The following ARPC2 variants were observed in gnomAD, a reference collection of about 807,000 sequenced individuals.
The protein encoded by ARPC2 is actin related protein 2/3 complex subunit 2, also known as actin-related protein 2/3 complex subunit 2.
ARPC2 carries 4 observed loss-of-function variants against 38.6 expected under a neutral mutation model. The ratio of observed to expected loss-of-function variants is 0.10; its 90% CI spans 0.05 to 0.24. ARPC2 has a LOEUF of 0.24. Among genes scored for constraint, ARPC2 ranks in the 10% least tolerant of loss-of-function variants. ARPC2 has a pLI of 1.00. For synonymous variants in ARPC2, 125 were observed against 140.8 expected (o/e 0.89, Z 0.79); for missense variants, 229 against 387.3 (o/e 0.59, Z 3.43).
intron 8 of ARPC2, among the ~76,000 whole-genome samples, 182 bp downstream of exon 8, chr2:218,245,728 G>A (rs1196908092): frequency 1.3e-5 from 2 of 152,104 alleles, no homozygotes; most frequent in Non-Finnish European, 2.9e-5. Context: ...TACAGAGCAG[G>A]CCATATGCTA....
chr2:218,223,890 C>T (rs976382472), intron 2 of ARPC2, among the ~76,000 whole-genome samples: 1 of 152,102 alleles, frequency 6.6e-6, no homozygotes, highest in African/African-American at 2.4e-5. Flanking sequence ...AGTAAAATAA[C>T]AAACGCCAGG....
chr2:218,219,497 G>A (rs948009061), intron 2 of ARPC2, among the ~76,000 whole-genome samples: 2 of 151,994 alleles, frequency 1.3e-5, no homozygotes, highest in African/African-American at 4.8e-5. Flanking sequence ...TTACAAGCAC[G>A]TGCTACCACA....
In ARPC2 at chr2:218,253,069, G is replaced by A. The variant is rs569091906; in HGVS notation, c.879-822G>A. 95 of 444,084 alleles carry A rather than the reference G, an allele frequency of 2.1e-4. 1 individual carries two copies. The highest frequency in any genetic ancestry group is 6.4e-4 in the Admixed American group (26 of 40,744). 27.5% of individuals were successfully genotyped at this position (444,084 alleles called of 1,614,324 possible). On this transcript the variant is annotated intron_variant, in intron 10 of 10. Transcript: ENST00000315717. The stretch of plus-strand genomic sequence containing the variant: ...TTAAGTGACTCAGCTGTGGGCAGAA[G>A]CCAGGAACCCTCGATGGGCCGCCCA...
At chr2:218,232,812 G>A (rs1402187099) in intron 4 of ARPC2, among the ~76,000 whole-genome samples, 4 of 151,896 alleles carry the variant, frequency 2.6e-5, no homozygotes, top group African/African-American at 7.3e-5. Flanking sequence ...TCCTGACCTC[G>A]TGATCACCCC....
At chr2:218,234,510 C>T (rs1304642502) in intron 5 of ARPC2, 113 bp downstream of exon 5, 3 of 882,682 alleles carry the variant, frequency 3.4e-6, no homozygotes, top group African/African-American at 1.7e-5. Flanking sequence ...AATATTTCTG[C>T]ATGAGCCCAT....
chr2:218,229,604 T>G (rs1689583690), intron 4 of ARPC2, among the ~76,000 whole-genome samples: 1 of 152,366 alleles, frequency 6.6e-6, no homozygotes, highest in East Asian at 1.9e-4. Flanking sequence ...CATAGCTGTT[T>G]CTTTCTGAAA....
At chr2:218,222,354 A>T (rs1163006436) in intron 2 of ARPC2, among the ~76,000 whole-genome samples, 1 of 152,124 alleles carries the variant, frequency 6.6e-6, no homozygotes, top group Non-Finnish European at 1.5e-5. Flanking sequence ...AGAAGATGAG[A>T]TAATACAGTT....
At chr2:218,239,775 T>C (rs1047958151) in intron 7 of ARPC2, among the ~76,000 whole-genome samples, 2 of 151,728 alleles carry the variant, frequency 1.3e-5, no homozygotes, top group Non-Finnish European at 2.9e-5. Context: ...GTATTTTTAG[T>C]AGAGACGGGG....
chr2:218,239,028 T>G (rs1159214487), intron 6 of ARPC2, 178 bp downstream of exon 6: 26 of 590,850 alleles, frequency 4.4e-5, no homozygotes, highest in Non-Finnish European at 6.8e-5. Context: ...CCTCCTACTC[T>G]CCAGATACTG....
chr2:218,236,518 C>CTTATGCCTGTAATAA (rs1424231123), intron 5 of ARPC2: 1 of 152,112 alleles, frequency 6.6e-6, no homozygotes, highest in Non-Finnish European at 1.5e-5. Context: ...CTCAGCCGGG[C>CTTATGCCTGTAATAA]GCGGTGGCTT....
At chr2:218,233,991 C>G (rs1689706397) in intron 4 of ARPC2, 1 of 162,694 alleles carries the variant, frequency 6.1e-6, no homozygotes, top group Non-Finnish European at 1.3e-5. Flanking sequence ...ATGGAGAAAC[C>G]CCATCTCAAC....
chr2:218,225,578 G>T (rs1421966237), intron 2 of ARPC2, among the ~76,000 whole-genome samples: 1 of 152,212 alleles, frequency 6.6e-6, no homozygotes, highest in Non-Finnish European at 1.5e-5. Flanking sequence ...TGTGGGGAAG[G>T]CATTGACCAA....
At chr2:218,236,337 C>T (rs1689768154) in intron 5 of ARPC2, 1 of 151,946 alleles carries the variant, frequency 6.6e-6, no homozygotes. Context: ...TTAATCTAAC[C>T]TTGTAATCTG....
chr2:218,218,374 G>A (rs77731393), intron 2 of ARPC2, among the ~76,000 whole-genome samples: 54 of 152,340 alleles, frequency 3.5e-4, no homozygotes, highest in African/African-American at 1.3e-3. Context: ...CTGTCTTTAC[G>A]ATTGGACTTT....
At chr2:218,224,544 C>G (rs563887064) in intron 2 of ARPC2, among the ~76,000 whole-genome samples, 57 of 152,266 alleles carry the variant, frequency 3.7e-4, no homozygotes, top group African/African-American at 1.1e-3. Flanking sequence ...GGACTCGTTG[C>G]CTTTGTTTCC....
chr2:218,235,035 T>C (rs1689736165), intron 5 of ARPC2: 1 of 336,760 alleles, frequency 3.0e-6, no homozygotes, highest in Non-Finnish European at 5.9e-6. Flanking sequence ...GACCCCAAAG[T>C]GAGAACCAGG....
At chr2:218,231,306 G>C (rs1018555481) in intron 4 of ARPC2, among the ~76,000 whole-genome samples, 57 of 152,156 alleles carry the variant, frequency 3.7e-4, no homozygotes, top group African/African-American at 1.3e-3. Context: ...GTGTTGGCTG[G>C]TTTTACCAAG....
At chr2:218,220,152 C>T (rs148245815) in intron 2 of ARPC2, among the ~76,000 whole-genome samples, 2 of 152,098 alleles carry the variant, frequency 1.3e-5, no homozygotes, top group African/African-American at 4.8e-5. Context: ...CAGAGAAAGA[C>T]ATTAAAGGGA....
intron 3 of ARPC2, among the ~76,000 whole-genome samples, chr2:218,226,415 G>A (rs904887425): frequency 4.0e-5 from 6 of 151,774 alleles, no homozygotes; most frequent in African/African-American, 1.5e-4. Flanking sequence ...GGATCACGAC[G>A]TCAGGAGATC....
Sources: gnomAD v4.1 joint callset for allele counts (sites outside exome capture counted in the v4.1 genomes callset) on GRCh38, gnomAD v4.1.1 for gene constraint, MANE v1.5 for transcripts, NCBI Gene and HGNC (gene_info 2026-07-23, HGNC 2026-07-21) for gene names.